SCN10A: variants seen among roughly 807,000 people sequenced by gnomAD.
The protein encoded by SCN10A is sodium channel protein type 10 subunit alpha.
A neutral mutation model predicts 170.7 loss-of-function variants in SCN10A; 162 were observed. That is an observed-to-expected ratio of 0.95 (90% CI 0.84 to 1.08). The LOEUF is 1.08. SCN10A is among the 50% of genes least tolerant of loss of function. The pLI, the probability that SCN10A is intolerant of heterozygous loss-of-function variation, is 0.00. For missense variants in SCN10A, 2,527 were observed against 2,436.9 expected (o/e 1.04, Z -0.78); for synonymous variants, 985 against 904.6 (o/e 1.09, Z -1.59).
intron 1 of SCN10A, among the ~76,000 whole-genome samples, chr3:38,800,531 T>C (rs11715346): frequency 0.12 from 17,581 of 152,246 alleles, 1,178 homozygotes; most frequent in Middle Eastern, 0.19. Context: ...AGGGCCTGGA[T>C]GAAAATCTTT....
chr3:38,785,269 G>A (rs1015028879), intron 4 of SCN10A, among the ~76,000 whole-genome samples: 1 of 152,140 alleles, frequency 6.6e-6, no homozygotes, highest in Non-Finnish European at 1.5e-5. Context: ...GCGAGGTACT[G>A]GTACCAAAAC....
intron 5 of SCN10A, among the ~76,000 whole-genome samples, chr3:38,766,280 A>T (rs2063931875): frequency 1.3e-5 from 2 of 152,034 alleles, no homozygotes; most frequent in Admixed American, 6.6e-5. Context: ...TGTTGGATAG[A>T]AATGGTGAAA....
intron 1 of SCN10A, among the ~76,000 whole-genome samples, chr3:38,814,852 T>C (rs2126067783): frequency 6.6e-6 from 1 of 152,340 alleles, no homozygotes; most frequent in East Asian, 1.9e-4. Flanking sequence ...TTAAAAGCAA[T>C]TCATTTATCT....
At chr3:38,743,065 T>C (rs2063651325) in intron 13 of SCN10A, among the ~76,000 whole-genome samples, 1 of 152,220 alleles carries the variant, frequency 6.6e-6, no homozygotes, top group South Asian at 2.1e-4. Context: ...TATATTATAT[T>C]CCATTCCTTC....
At chr3:38,727,112 C>G in intron 16 of SCN10A, 60 bp from the exon 17 acceptor site, 1 of 1,510,582 alleles carries the variant, frequency 6.6e-7, no homozygotes, top group Non-Finnish European at 9.0e-7. Context: ...CCACATTGGC[C>G]TACCGGGTTA....
chr3:38,788,878 A>G lies in SCN10A; in HGVS notation c.470+78T>C, dbSNP rs184480031. ...CCACATGAGGCATGGCAGGATAAATAAAAGACAAAGACTGCCAAGTGAAGG... is the reference window on the plus strand; with the variant it reads ...CCACATGAGGCATGGCAGGATAAATGAAAGACAAAGACTGCCAAGTGAAGG... On this transcript the variant is annotated intron_variant, in intron 4 of 27. Coordinates refer to ENST00000449082, the MANE Select transcript of SCN10A (RefSeq NM_006514.4). 1.8e-5 allele frequency: 16 copies of G among 888,668 alleles called. No homozygotes were observed. The East Asian group carries it at 3.7e-4, about 21-fold the overall frequency. 55.0% of individuals were successfully genotyped at this position (888,668 alleles called of 1,614,324 possible).
intron 6 of SCN10A, 28 bp from the exon 7 acceptor site, chr3:38,761,411 A>ACTT: frequency 6.3e-7 from 1 of 1,594,670 alleles, no homozygotes; most frequent in Non-Finnish European, 8.6e-7. Context: ...TGGTATGACC[A>ACTT]CATGGATGAG....
intron 25 of SCN10A, among the ~76,000 whole-genome samples, chr3:38,707,662 G>A (rs1288604988): frequency 6.6e-6 from 1 of 152,188 alleles, no homozygotes; most frequent in Non-Finnish European, 1.5e-5. Flanking sequence ...TTGGTAAACA[G>A]GACTCAAGGA....
At position 38,726,688 on chromosome 3, in the gene SCN10A, C is replaced by T; in HGVS notation, c.3005G>A (p.Gly1002Asp). 6.2e-7 allele frequency: 1 copy of T among 1,612,412 alleles called. No individual in the cohort carries two copies. Among genetic ancestry groups the T allele is most frequent in the South Asian group, 1.1e-5 (1 of 90,996 alleles). Reference protein sequence around the residue: ...TVWVSVPIAEGESDLDDLEDD... With the variant: ...TVWVSVPIAEDESDLDDLEDD... ...CTCCAAGTCATCAAGATCAGATTCA[C>T]CCTCAGCAATGGGCACAGAGACCCA... The change falls in exon 17 of 28, where the codon GGT (glycine) becomes GAT (aspartate). Residue 1002 changes from glycine to aspartate, a missense_variant. By Grantham distance (94) the Gly-to-Asp change is moderately conservative (BLOSUM62 -1). Coordinates refer to ENST00000449082, the MANE Select transcript of SCN10A (RefSeq NM_006514.4).
intron 11 of SCN10A, 80 bp downstream of exon 11, chr3:38,755,708 C>A (rs1473780425): frequency 5.2e-6 from 8 of 1,536,900 alleles, no homozygotes; most frequent in Non-Finnish European, 6.3e-6. Context: ...CTCTGCCACA[C>A]ACCTCTTCCC....
At chr3:38,730,839 T>C (rs958386510) in intron 15 of SCN10A, among the ~76,000 whole-genome samples, 5 of 151,888 alleles carry the variant, frequency 3.3e-5, no homozygotes, top group African/African-American at 1.2e-4. Context: ...AGACATAAGA[T>C]GAAAAATAAC....
At chr3:38,722,142 G>T (rs927573101) in intron 20 of SCN10A, 116 bp downstream of exon 20, 5 of 1,009,046 alleles carry the variant, frequency 5.0e-6, no homozygotes, top group African/African-American at 3.2e-5. Context: ...TAGTGACAAG[G>T]TTGGGGACTT....
chr3:38,742,308 GC>G lies in SCN10A; in HGVS notation c.2088del (p.Met696IlefsTer4). 6.2e-7 allele frequency: 1 copy of G among 1,613,716 alleles called. No homozygotes were observed. ...HHGMSPTFEAMLQIGNIVFTI... is the reference protein window; with the variant it reads ...HHGMSPTFEAXLQIGNIVFTI... Reference sequence around the variant, plus strand: ...GCACTCACGATGTTGCCTATCTGGAGCATGGCTTCGAAGGTAGGGCTCATGC... The same window carrying G: ...GCACTCACGATGTTGCCTATCTGGAGATGGCTTCGAAGGTAGGGCTCATGC... On this transcript the variant is annotated frameshift_variant, in exon 14 of 28. Coordinates refer to ENST00000449082, the MANE Select transcript of SCN10A (RefSeq NM_006514.4). LOFTEE classifies it high-confidence loss of function.
intron 4 of SCN10A, among the ~76,000 whole-genome samples, chr3:38,775,386 T>A (rs917171332): frequency 6.6e-6 from 1 of 152,238 alleles, no homozygotes; most frequent in African/African-American, 2.4e-5. Context: ...TTTGTCAATG[T>A]TGTGGCATGT....
chr3:38,723,834 C>T (rs959920095), intron 18 of SCN10A, among the ~76,000 whole-genome samples: 7 of 152,220 alleles, frequency 4.6e-5, no homozygotes, highest in African/African-American at 1.7e-4. Flanking sequence ...AGTAATGCTG[C>T]AGGGGCCTGC....
chr3:38,699,021 T>A (rs115041752), intron 27 of SCN10A, among the ~76,000 whole-genome samples: 3,186 of 152,156 alleles, frequency 0.021, 108 homozygotes, highest in African/African-American at 0.073. Context: ...GGACCCCTTA[T>A]GATTCCTCTC....
chr3:38,712,269 A>C lies in SCN10A; in HGVS notation c.3981T>G (p.Asn1327Lys). ...EFSLVPLSIV[N>K]NKSDCKIQNS... ...TTTGAATCTTGCAGTCAGACTTGTTATTCACAATCGACAAAGGTACAAGGG... is the reference window on the plus strand; with the variant it reads ...TTTGAATCTTGCAGTCAGACTTGTTCTTCACAATCGACAAAGGTACAAGGG... Residue 1327 changes from asparagine to lysine, a missense_variant, in exon 23 of 28, where the codon AAT becomes AAG. Physicochemically the swap from Asn to Lys is moderately conservative, Grantham distance 94. Transcript: ENST00000449082. 1 of 1,614,224 alleles carries C rather than the reference A, an allele frequency of 6.2e-7. No homozygotes were observed. The highest frequency in any genetic ancestry group is 8.5e-7 in the Non-Finnish European group (1 of 1,180,026).
chr3:38,771,940 TG>T (rs1176618294), intron 4 of SCN10A, among the ~76,000 whole-genome samples: 2 of 152,120 alleles, frequency 1.3e-5, no homozygotes, highest in African/African-American at 4.8e-5. Context: ...AAGCAAGGTT[TG>T]GGGGAGGGTG....
In SCN10A at chr3:38,776,733, G is replaced by A. The variant is rs186674163; in HGVS notation, c.471-5326C>T. 4.6e-5 allele frequency among the ~76,000 whole-genome samples: 7 copies of A among 152,182 alleles called. No homozygotes were observed. The East Asian group carries it at 1.2e-3, about 25-fold the overall frequency. On this transcript the variant is annotated intron_variant, in intron 4 of 27. Coordinates refer to ENST00000449082, the MANE Select transcript of SCN10A (RefSeq NM_006514.4). ...CTAAACAAAGTAAGAATAAGTTGGA[G>A]TTCCCAGGGACAATTGAGGAGAGAG...
Sources: gnomAD v4.1 joint callset for allele counts (sites outside exome capture counted in the v4.1 genomes callset) on GRCh38, gnomAD v4.1.1 for gene constraint, MANE v1.5 for transcripts, NCBI Gene and HGNC (gene_info 2026-07-23, HGNC 2026-07-21) for gene names.